Variants in BROX observed in about 807,000 individuals in gnomAD.
BROX encodes the protein BRO1 domain-containing protein BROX.
BROX carries 53 observed loss-of-function variants against 61.0 expected under a neutral mutation model. The ratio of observed to expected loss-of-function variants is 0.87; its 90% CI spans 0.70 to 1.09. The LOEUF is 1.09. Among genes scored for constraint, BROX ranks in the 50% least tolerant of loss-of-function variants. The probability of loss-of-function intolerance (pLI) is 0.00; values close to 1 mark genes in which losing one functional copy is unlikely to be tolerated. For missense variants in BROX, 489 were observed against 472.0 expected, an observed-to-expected ratio of 1.04 and a Z score of -0.33; for synonymous variants, 152 against 160.2, an observed-to-expected ratio of 0.95 and a Z score of 0.38.
At chr1:222,730,900 A>C (rs1657885826) in intron 11 of BROX, among the ~76,000 whole-genome samples, 1 of 151,682 alleles carries the variant, frequency 6.6e-6, no homozygotes, top group South Asian at 2.1e-4. Flanking sequence ...TTTTCTCTCC[A>C]GTTTTTCTTG....
chr1:222,723,452 A>G lies in BROX; in HGVS notation c.402-640A>G, dbSNP rs141893465. On this transcript the variant is annotated intron_variant, in intron 5 of 12. Transcript: ENST00000340934. ...CACCATGCCTGGCTGCAGATTTTAC[A>G]CCTAGTTAGGGTCTCTTTTTTTTCA... 1.5e-3 allele frequency among the ~76,000 whole-genome samples: 226 copies of G among 152,042 alleles called. 6 individuals carry two copies. In the South Asian group the frequency reaches 0.021, roughly 14 times the overall value.
Position 222,731,360 on chromosome 1 carries a change from C to T in BROX, c.993C>T (p.Tyr331=). 1.3e-6 allele frequency: 2 copies of T among 1,560,296 alleles called. No homozygotes were observed. Among genetic ancestry groups the T allele is most frequent in the Non-Finnish European group, 1.7e-6 (2 of 1,163,638 alleles). Residue 331 remains tyrosine, a synonymous_variant, in exon 12 of 13, where the codon TAC becomes TAT. Transcript: ENST00000340934. The stretch of plus-strand genomic sequence containing the variant: ...CTATTTAAATTATTTTTTGCAGTTA[C>T]TTTCAAAAAATTCCAACAGAAGCCC... ...EKCQRENGFI[Y]FQKIPTEAPQ...
At chr1:222,730,453 C>G (rs1212181667) in intron 11 of BROX, among the ~76,000 whole-genome samples, 1 of 151,984 alleles carries the variant, frequency 6.6e-6, no homozygotes, top group East Asian at 1.9e-4. Flanking sequence ...AATAAATTAG[C>G]TGGGCATGGT....
At chr1:222,713,009 A>G (rs1036031895) in intron 1 of BROX, 67 bp downstream of exon 1, 47 of 1,171,204 alleles carry the variant, frequency 4.0e-5, no homozygotes, top group Non-Finnish European at 5.0e-5. Context: ...GTCTCAAGCA[A>G]TAGGATCACC....
chr1:222,716,585 T>C (rs548585857), intron 2 of BROX, among the ~76,000 whole-genome samples: 2 of 152,372 alleles, frequency 1.3e-5, no homozygotes, highest in South Asian at 4.1e-4. Context: ...GGACCATTGC[T>C]TGTTTTTATA....
intron 12 of BROX, among the ~76,000 whole-genome samples, chr1:222,732,004 A>G (rs1393229108): frequency 6.6e-6 from 1 of 152,208 alleles, no homozygotes; most frequent in Non-Finnish European, 1.5e-5. Flanking sequence ...AACTACCAAA[A>G]GACTAGGGAT....
Position 222,712,627 on chromosome 1 carries a change from T to C in BROX, c.-332T>C. The C allele has an allele frequency of 7.5e-7, 1 of 1,332,232 alleles. No individual in the cohort carries two copies. Among genetic ancestry groups the C allele is most frequent in the Non-Finnish European group, 9.8e-7 (1 of 1,018,246 alleles). The allele number at this position is 1,332,232 out of a possible 1,614,324, so 82.5% of individuals were successfully genotyped here. On this transcript the variant is annotated 5_prime_UTR_variant, in exon 1 of 13. Coordinates refer to ENST00000340934, the MANE Select transcript of BROX (RefSeq NM_144695.4). ...CCTCGGCTCCGGAGGTAGGGGCAAC[T>C]CTTCTCTTCCTGTCTGGGAAAAAGA...
chr1:222,717,657 A>G (rs1656732232), intron 2 of BROX, among the ~76,000 whole-genome samples: 1 of 152,348 alleles, frequency 6.6e-6, no homozygotes, highest in Admixed American at 6.5e-5. Flanking sequence ...GTAATTGGCA[A>G]TACATACATA....
intron 9 of BROX, 67 bp from the exon 10 acceptor site, chr1:222,729,553 A>G: frequency 8.1e-7 from 1 of 1,235,066 alleles, no homozygotes; most frequent in South Asian, 1.3e-5. Context: ...TCTGATAGAT[A>G]CATAAAACAA....
chr1:222,733,426 C>T lies in BROX; in HGVS notation c.*712C>T, dbSNP rs1379077503. The T allele has an allele frequency of 1.3e-5, 2 of 152,116 alleles. No homozygotes were observed. Among genetic ancestry groups the T allele is most frequent in the Non-Finnish European group, 2.9e-5 (2 of 68,016 alleles). The allele number at this position is 152,116 out of a possible 1,614,324, so 9.4% of individuals were successfully genotyped here. On this transcript the variant is annotated 3_prime_UTR_variant, in exon 13 of 13. Coordinates refer to ENST00000340934, the MANE Select transcript of BROX (RefSeq NM_144695.4). ...ACACACAAAAAGTTTATTTTCCTTC[C>T]TCTTATTTGATATCAGAAGAATGAC...
chr1:222,729,006 AGAT>A lies in BROX; in HGVS notation c.756+183_756+185del, dbSNP rs1489812382. ...ATTGTGAACTAAAGTGGGTGGAAAGAGATGATGTAGGATTGTAGAAGTGGATTA... is the reference window on the plus strand; with the variant it reads ...ATTGTGAACTAAAGTGGGTGGAAAGAGATGTAGGATTGTAGAAGTGGATTA... On this transcript the variant is annotated intron_variant, in intron 9 of 12. Coordinates refer to ENST00000340934, the MANE Select transcript of BROX (RefSeq NM_144695.4). Among the ~76,000 whole-genome samples, 6 of 152,318 alleles carry A rather than the reference AGAT, an allele frequency of 3.9e-5. No homozygotes were observed. The East Asian group carries it at 9.6e-4, about 24-fold the overall frequency.
Position 222,727,159 on chromosome 1 carries a change from T to C in BROX, c.581-9T>C. ...AATTATAGATTCACTTTATTGTGTT[T>C]GGTTACAGTAACAATTGCTCGAGCA... is the stretch of plus-strand genomic sequence containing the variant. On this transcript the variant is annotated splice_polypyrimidine_tract_variant and intron_variant, in intron 7 of 12. Transcript: ENST00000340934. 1 of 1,593,104 alleles carries C rather than the reference T, an allele frequency of 6.3e-7. No homozygotes were observed. Among genetic ancestry groups the C allele is most frequent in the Non-Finnish European group, 8.6e-7 (1 of 1,162,578 alleles).
At position 222,731,417 on chromosome 1, in the gene BROX, C is replaced by G; in HGVS notation, c.1050C>G (p.Leu350=). 6.3e-7 allele frequency: 1 copy of G among 1,593,684 alleles called. No homozygotes were observed. The highest frequency in any genetic ancestry group is 1.2e-5 in the South Asian group (1 of 86,028). ...TGGAACTCAAAGCAAATTATGGTCTCGTAGAGCCTATACCTTTCGAATTTC... is the reference window on the plus strand; with the variant it reads ...TGGAACTCAAAGCAAATTATGGTCTGGTAGAGCCTATACCTTTCGAATTTC... The part of the protein sequence containing the change: ...PQLELKANYG[L]VEPIPFEFPP... Residue 350 remains leucine, a synonymous_variant, in exon 12 of 13, where the codon CTC becomes CTG. Coordinates refer to ENST00000340934, the MANE Select transcript of BROX (RefSeq NM_144695.4).
At chr1:222,727,050 TA>T (rs1303291412) in intron 7 of BROX, 117 bp from the exon 8 acceptor site, 1 of 741,956 alleles carries the variant, frequency 1.3e-6, no homozygotes, top group East Asian at 2.6e-5. Flanking sequence ...TTAAAACGTT[TA>T]ACAAACTGTA....
In BROX at chr1:222,731,431, C is replaced by G. The variant is rs1657928373; in HGVS notation, c.1064C>G (p.Pro355Arg). 4 of 1,602,262 alleles carry G rather than the reference C, an allele frequency of 2.5e-6. No individual in the cohort carries two copies. The South Asian group carries it at 3.4e-5, about 14-fold the overall frequency. ...KANYGLVEPI[P>R]FEFPPTSVQW... Reference sequence around the variant, plus strand: ...AATTATGGTCTCGTAGAGCCTATACCTTTCGAATTTCCTCCTACAAGTGTT... The same window carrying G: ...AATTATGGTCTCGTAGAGCCTATACGTTTCGAATTTCCTCCTACAAGTGTT... Residue 355 changes from proline to arginine, a missense_variant, in exon 12 of 13, where the codon CCT becomes CGT. By Grantham distance (103) the Pro-to-Arg change is moderately radical. Transcript: ENST00000340934.
intron 1 of BROX, chr1:222,713,330 C>A: frequency 1.0e-6 from 1 of 985,734 alleles, no homozygotes; most frequent in Non-Finnish European, 1.2e-6. Context: ...GGTCGCCGCC[C>A]GCTGCCTCGA....
At chr1:222,722,297 T>G (rs1657158620) in intron 4 of BROX, 122 bp from the exon 5 acceptor site, 1 of 767,450 alleles carries the variant, frequency 1.3e-6, no homozygotes, top group Admixed American at 2.4e-5. Context: ...AACACAACCA[T>G]TTTCCTCATA....
chr1:222,713,360 G>C (rs902415315), intron 1 of BROX: 1 of 985,656 alleles, frequency 1.0e-6, no homozygotes, highest in Non-Finnish European at 1.2e-6. Flanking sequence ...GGCACGGGAG[G>C]AAGAGGCTGG....
chr1:222,728,884 G>A, intron 9 of BROX, 56 bp downstream of exon 9: 5 of 1,303,828 alleles, frequency 3.8e-6, no homozygotes, highest in Non-Finnish European at 5.4e-6. Flanking sequence ...AGCCCTTGGA[G>A]TGCCAGGTCT....
Sources: gnomAD v4.1 joint callset for allele counts (sites outside exome capture counted in the v4.1 genomes callset) on GRCh38, gnomAD v4.1.1 for gene constraint, MANE v1.5 for transcripts, NCBI Gene and HGNC (gene_info 2026-07-23, HGNC 2026-07-21) for gene names.